ATRNL1: variants seen among roughly 807,000 people sequenced by gnomAD.
ATRNL1 encodes the protein attractin like 1.
In ATRNL1, 95 loss-of-function variants were observed where a neutral mutation model predicts 182.7. The observed-to-expected ratio is 0.52, with a 90% CI of 0.44 to 0.62. The LOEUF (loss-of-function observed/expected upper bound fraction) is 0.62, where lower values mean the gene tolerates loss of function less well. ATRNL1 is among the 20% of genes least tolerant of loss of function. ATRNL1 has a pLI of 0.00. For synonymous variants in ATRNL1, 576 were observed against 568.3 expected, an observed-to-expected ratio of 1.01 and a Z score of -0.19; for missense variants, 1,471 against 1,679.5, an observed-to-expected ratio of 0.88 and a Z score of 2.17.
chr10:115,661,978 T>C (rs1555038028), intron 26 of ATRNL1, among the ~76,000 whole-genome samples: 1 of 140,160 alleles, frequency 7.1e-6, no homozygotes, highest in East Asian at 2.4e-4. Context: ...CCTTCCTGTG[T>C]CCATGTGTCC....
At chr10:115,459,243 C>A (rs1440096136) in intron 21 of ATRNL1, among the ~76,000 whole-genome samples, 1 of 151,968 alleles carries the variant, frequency 6.6e-6, no homozygotes, top group Non-Finnish European at 1.5e-5. Flanking sequence ...TGTGGGCACC[C>A]TGAAAAAAGA....
chr10:115,737,208 TTAA>T (rs1947978289), intron 27 of ATRNL1, among the ~76,000 whole-genome samples: 1 of 151,624 alleles, frequency 6.6e-6, no homozygotes, highest in Non-Finnish European at 1.5e-5. Flanking sequence ...GGAGGATTCC[TTAA>T]GCTTAGGAGG....
intron 5 of ATRNL1, among the ~76,000 whole-genome samples, chr10:115,159,061 C>T (rs1846654807): frequency 6.6e-6 from 1 of 151,472 alleles, no homozygotes; most frequent in African/African-American, 2.4e-5. Context: ...GTAAAAAAGG[C>T]ATTATGAGAA....
intron 28 of ATRNL1, among the ~76,000 whole-genome samples, chr10:115,927,138 C>G (rs1215991009): frequency 6.6e-6 from 1 of 152,112 alleles, no homozygotes; most frequent in Non-Finnish European, 1.5e-5. Context: ...TATAATCCAT[C>G]ACATAAACAG....
intron 24 of ATRNL1, among the ~76,000 whole-genome samples, chr10:115,490,373 A>G (rs1025963822): frequency 6.6e-6 from 1 of 152,114 alleles, no homozygotes; most frequent in Admixed American, 6.5e-5. Flanking sequence ...AATCAAATGT[A>G]GATTTGGTCT....
intron 8 of ATRNL1, among the ~76,000 whole-genome samples, chr10:115,181,270 A>AG (rs1847735974): frequency 6.6e-6 from 1 of 151,884 alleles, no homozygotes; most frequent in South Asian, 2.1e-4. Context: ...GGGAGAGGAA[A>AG]GGGGAAATCA....
chr10:115,450,091 A>G (rs1180217554), intron 21 of ATRNL1, among the ~76,000 whole-genome samples: 1 of 151,968 alleles, frequency 6.6e-6, no homozygotes, highest in Non-Finnish European at 1.5e-5. Context: ...AAGGCTTTCT[A>G]TAATTAAAAA....
chr10:115,612,594 C>T (rs143901951), intron 26 of ATRNL1, among the ~76,000 whole-genome samples: 7 of 152,300 alleles, frequency 4.6e-5, no homozygotes, highest in African/African-American at 1.4e-4. Context: ...GGAGTTGATG[C>T]CAGGTCCTTG....
chr10:115,254,054 G>C (rs1212345514), intron 10 of ATRNL1, among the ~76,000 whole-genome samples: 1 of 152,178 alleles, frequency 6.6e-6, no homozygotes, highest in Non-Finnish European at 1.5e-5. Flanking sequence ...ATATGGGTTG[G>C]TTCCAAGCCT....
At position 115,485,659 on chromosome 10, in the gene ATRNL1, AT is replaced by A. The variant is rs201555805; in HGVS notation, c.3654+16338del. Among the ~76,000 whole-genome samples the A allele has an allele frequency of 8.3e-3, 1,259 of 151,838 alleles. 12 individuals are homozygous for A. The highest frequency in any genetic ancestry group is 0.028 in the African/African-American group (1,153 of 41,426). The stretch of plus-strand genomic sequence containing the variant: ...CCCTCCTCAATCACCCAACGTCTTT[AT>A]TTTTTTTAAGTTTATAAATTATTTT... On this transcript the variant is annotated intron_variant, in intron 24 of 28. Transcript: ENST00000355044.
chr10:115,772,934 A>G (rs1949031873), intron 27 of ATRNL1, among the ~76,000 whole-genome samples: 1 of 152,110 alleles, frequency 6.6e-6, no homozygotes, highest in Non-Finnish European at 1.5e-5. Flanking sequence ...TTGTCTTGGA[A>G]ATTGTGACTA....
intron 28 of ATRNL1, among the ~76,000 whole-genome samples, chr10:115,914,404 G>A (rs1952780844): frequency 6.6e-6 from 1 of 152,176 alleles, no homozygotes; most frequent in South Asian, 2.1e-4. Flanking sequence ...AGGATTCTGA[G>A]GTCATGTTGA....
rs1565223629 is a variant in ATRNL1, at chr10:115,624,334, A to G, written c.3795+74798A>G. On this transcript the variant is annotated intron_variant, in intron 26 of 28. Transcript: ENST00000355044. ...TTTTCTAAAGATAGAAAAATATTAA[A>G]CAGTATTTTATTAAAGTCCTCTTAA... is the stretch of plus-strand genomic sequence containing the variant. Among the ~76,000 whole-genome samples, 4 of 152,140 alleles carry G rather than the reference A, an allele frequency of 2.6e-5. No homozygotes were observed. In the South Asian group the frequency reaches 8.3e-4, roughly 31 times the overall value.
At chr10:115,283,378 C>T (rs1554917641) in intron 14 of ATRNL1, among the ~76,000 whole-genome samples, 1 of 152,116 alleles carries the variant, frequency 6.6e-6, no homozygotes, top group Non-Finnish European at 1.5e-5. Context: ...CACGCCATTG[C>T]ACCCCAGCCT....
At chr10:115,495,371 G>T (rs1385066856) in intron 24 of ATRNL1, among the ~76,000 whole-genome samples, 1 of 152,036 alleles carries the variant, frequency 6.6e-6, no homozygotes, top group African/African-American at 2.4e-5. Context: ...TTTGGGTTTT[G>T]TATGCCCTTG....
At chr10:115,194,928 A>G (rs1848303297) in intron 8 of ATRNL1, among the ~76,000 whole-genome samples, 1 of 151,846 alleles carries the variant, frequency 6.6e-6, no homozygotes, top group Non-Finnish European at 1.5e-5. Flanking sequence ...AGCTGATGAC[A>G]AATTAATTTT....
rs555398250 is a variant in ATRNL1, at chr10:115,943,214, T to C, written c.4019-1444T>C. ...AGTGCTTTTGTAATTTTTAAAACAGTTTATGAGAATGAAAAGTCAAGCCAT... is the reference window on the plus strand; with the variant it reads ...AGTGCTTTTGTAATTTTTAAAACAGCTTATGAGAATGAAAAGTCAAGCCAT... On this transcript the variant is annotated intron_variant, in intron 28 of 28. Transcript: ENST00000355044. Among the ~76,000 whole-genome samples, 20 of 152,274 alleles carry C rather than the reference T, an allele frequency of 1.3e-4. No individual in the cohort carries two copies. In the South Asian group the frequency reaches 4.1e-3, roughly 32 times the overall value.
chr10:115,394,310 A>G (rs1330344916), intron 19 of ATRNL1, among the ~76,000 whole-genome samples: 1 of 152,024 alleles, frequency 6.6e-6, no homozygotes, highest in Non-Finnish European at 1.5e-5. Context: ...TTTTGAACCC[A>G]AGCTGTTTGA....
chr10:115,098,911 G>GA (rs1239185582), intron 1 of ATRNL1, among the ~76,000 whole-genome samples: 2 of 152,110 alleles, frequency 1.3e-5, no homozygotes, highest in Non-Finnish European at 2.9e-5. Context: ...AAATTTTTAA[G>GA]AGATTGAGGT....
Sources: allele counts gnomAD v4.1 joint callset (sites outside exome capture counted in the v4.1 genomes callset), GRCh38; gene constraint gnomAD v4.1.1; transcripts MANE v1.5; gene names NCBI Gene and HGNC (gene_info 2026-07-23, HGNC 2026-07-21).